TMEM260: variants seen among roughly 807,000 people sequenced by gnomAD.
The protein encoded by TMEM260 is transmembrane protein 260, also known as protein O-mannosyl-transferase TMEM260.
Under a neutral mutation model 88.9 loss-of-function variants are expected in TMEM260, and 82 were observed. That is an observed-to-expected ratio of 0.92 (90% CI 0.77 to 1.11). The LOEUF (loss-of-function observed/expected upper bound fraction) is 1.11. Ranked by LOEUF, TMEM260 falls within the 50% of genes least tolerant of loss-of-function variation. The probability of loss-of-function intolerance (pLI) is 0.00; values close to 1 mark genes in which losing one functional copy is unlikely to be tolerated. For missense variants in TMEM260, 902 were observed against 853.4 expected (o/e 1.06, Z -0.71); for synonymous variants, 314 against 309.3 (o/e 1.02, Z -0.16).
rs1453081934 is a variant in TMEM260 at position 56,647,754 on chromosome 14, G to A, written c.*257G>A. ...CTTTTGAAAAGTCTTCTGACTTCCA[G>A]TCTTTCACCAGATGACTGCACTGGA... On this transcript the variant is annotated 3_prime_UTR_variant, in exon 16 of 16. Transcript: ENST00000261556. The A allele has an allele frequency of 2.3e-6, 1 of 439,522 alleles. No individual in the cohort carries two copies. Among genetic ancestry groups the A allele is most frequent in the Non-Finnish European group, 4.0e-6 (1 of 247,822 alleles). 27.2% of individuals were successfully genotyped at this position (439,522 alleles called of 1,614,324 possible). A position where few individuals can be genotyped will look rare whatever the true frequency, so the allele number is the denominator to read the frequency against.
chr14:56,656,897 A>G, the TMEM260 span, among the ~76,000 whole-genome samples: 2 of 152,340 alleles, frequency 1.3e-5, no homozygotes, highest in Admixed American at 6.5e-5. Context: ...GCATGCACAC[A>G]CACAAGTAAA....
At chr14:56,598,989 G>T (rs1283263127) in intron 3 of TMEM260, among the ~76,000 whole-genome samples, 1 of 152,092 alleles carries the variant, frequency 6.6e-6, no homozygotes, top group Non-Finnish European at 1.5e-5. Flanking sequence ...TGCTTAACTG[G>T]CCTGTTCCAT....
rs186021993 is a variant in TMEM260, at chr14:56,636,012, G to A, written c.1779-496G>A. Among the ~76,000 whole-genome samples the A allele has an allele frequency of 3.5e-3, 528 of 152,050 alleles. 2 individuals carry two copies. The highest frequency in any genetic ancestry group is 0.017 in the Middle Eastern group (5 of 294). Reference sequence around the variant, plus strand: ...TCACTGTGATTGAATGTGGGAAAGCGGGGAAGAAATCACATAAAAGAAGAA... The same window carrying A: ...TCACTGTGATTGAATGTGGGAAAGCAGGGAAGAAATCACATAAAAGAAGAA... On this transcript the variant is annotated intron_variant, in intron 14 of 15. Coordinates refer to ENST00000261556, the MANE Select transcript of TMEM260 (RefSeq NM_017799.4).
intron 1 of TMEM260, among the ~76,000 whole-genome samples, chr14:56,584,779 T>A (rs1185435826): frequency 2.0e-5 from 3 of 152,180 alleles, no homozygotes; most frequent in Non-Finnish European, 4.4e-5. Flanking sequence ...GTACCTATAT[T>A]TCCACTGACC....
Position 56,648,271 on chromosome 14 carries a change from G to C in TMEM260, c.*774G>C, listed in dbSNP as rs994940154. 2 of 152,202 alleles carry C rather than the reference G, an allele frequency of 1.3e-5. No homozygotes were observed. The highest frequency in any genetic ancestry group is 4.8e-5 in the African/African-American group (2 of 41,442). 9.4% of individuals were successfully genotyped at this position (152,202 alleles called of 1,614,324 possible). On this transcript the variant is annotated 3_prime_UTR_variant, in exon 16 of 16. Coordinates refer to ENST00000261556, the MANE Select transcript of TMEM260 (RefSeq NM_017799.4). ...AAGGGGAAAAAAAGGCAGGGATTGG[G>C]GGGGATGGGGAAGTGGCCCAATAAA...
At chr14:56,635,369 T>TA (rs1414535787) in intron 14 of TMEM260, among the ~76,000 whole-genome samples, 1 of 152,206 alleles carries the variant, frequency 6.6e-6, no homozygotes, top group Non-Finnish European at 1.5e-5. Flanking sequence ...ATTCAGTACT[T>TA]ACTGGAGGCC....
chr14:56,586,331 A>T (rs1195212013), intron 3 of TMEM260, among the ~76,000 whole-genome samples: 1 of 152,192 alleles, frequency 6.6e-6, no homozygotes. Context: ...CTAAATATGA[A>T]CATGTTGTAT....
intron 2 of TMEM260, 87 bp from the exon 3 acceptor site, chr14:56,585,674 G>C (rs1302585697): frequency 1.5e-6 from 2 of 1,303,658 alleles, no homozygotes; most frequent in African/African-American, 1.5e-5. Context: ...ATAGCTGCTT[G>C]AGAAAAGGGC....
chr14:56,634,183 G>A (rs1378081063), intron 13 of TMEM260, among the ~76,000 whole-genome samples: 3 of 152,168 alleles, frequency 2.0e-5, no homozygotes, highest in East Asian at 1.9e-4. Context: ...CTCCAGCAGT[G>A]ATTTTCCAAG....
intron 15 of TMEM260, among the ~76,000 whole-genome samples, 196 bp downstream of exon 15, chr14:56,636,794 GAAT>G (rs35295850): frequency 0.04 from 6,101 of 152,244 alleles, 197 homozygotes; most frequent in Middle Eastern, 0.096. Flanking sequence ...GTGGTAGGCA[GAAT>G]AATACCTCCC....
At chr14:56,638,628 T>G (rs1889313256) in intron 15 of TMEM260, among the ~76,000 whole-genome samples, 1 of 152,108 alleles carries the variant, frequency 6.6e-6, no homozygotes, top group Admixed American at 6.5e-5. Context: ...GTGACAATGT[T>G]TACAAGACAA....
At chr14:56,582,943 T>C (rs894134338) in intron 1 of TMEM260, among the ~76,000 whole-genome samples, 3 of 150,762 alleles carry the variant, frequency 2.0e-5, no homozygotes, top group African/African-American at 4.8e-5. Flanking sequence ...GATTTATCTT[T>C]ATAGCAGCAG....
intron 3 of TMEM260, among the ~76,000 whole-genome samples, chr14:56,592,259 A>C (rs1025886039): frequency 6.6e-6 from 1 of 152,166 alleles, no homozygotes; most frequent in Non-Finnish European, 1.5e-5. Context: ...AAATATTTTA[A>C]ATTTTTTTAG....
chr14:56,589,385 T>A (rs1265495584), intron 3 of TMEM260, among the ~76,000 whole-genome samples: 1 of 152,154 alleles, frequency 6.6e-6, no homozygotes, highest in Non-Finnish European at 1.5e-5. Flanking sequence ...TGTTGAAGAC[T>A]CATGTGAATT....
intron 4 of TMEM260, among the ~76,000 whole-genome samples, chr14:56,604,321 G>A (rs763665019): frequency 4.6e-5 from 7 of 152,122 alleles, no homozygotes; most frequent in Non-Finnish European, 8.8e-5. Flanking sequence ...AAGGTGCCAA[G>A]CTCTACACTG....
intron 10 of TMEM260, among the ~76,000 whole-genome samples, chr14:56,620,098 G>A (rs1034354445): frequency 1.3e-5 from 2 of 152,162 alleles, no homozygotes; most frequent in African/African-American, 4.8e-5. Flanking sequence ...AGAACTCATG[G>A]ATACAGTGAG....
Position 56,585,792 on chromosome 14 carries a change from C to A in TMEM260, c.224C>A (p.Thr75Lys), listed in dbSNP as rs528109756. 4 of 1,613,352 alleles carry A rather than the reference C, an allele frequency of 2.5e-6. No individual in the cohort carries two copies. Among genetic ancestry groups the A allele is most frequent in the East Asian group, 2.2e-5 (1 of 44,866 alleles). Residue 75 changes from threonine to lysine, a missense_variant, in exon 3 of 16, where the codon ACG becomes AAG. Thr to Lys is a moderately conservative substitution (Grantham distance 78). Transcript: ENST00000261556. ...VAHPPGYPLF[T>K]LVAKLAITLF... ...CATCCTCCTGGCTATCCTTTGTTCA[C>A]GCTGGTGGCTAAACTGGCAATTACA...
intron 15 of TMEM260, among the ~76,000 whole-genome samples, chr14:56,639,167 G>A (rs1298054039): frequency 6.6e-6 from 1 of 152,108 alleles, no homozygotes; most frequent in Admixed American, 6.5e-5. Context: ...GTGGTGGGTT[G>A]GGGATGGTTA....
At chr14:56,631,692 C>G (rs550969267) in intron 12 of TMEM260, among the ~76,000 whole-genome samples, 1 of 151,956 alleles carries the variant, frequency 6.6e-6, no homozygotes, top group African/African-American at 2.4e-5. Flanking sequence ...TGTGTTATTC[C>G]CTCACTGGTG....
Sources: gnomAD v4.1 joint callset for allele counts (sites outside exome capture counted in the v4.1 genomes callset) on GRCh38, gnomAD v4.1.1 for gene constraint, MANE v1.5 for transcripts, NCBI Gene and HGNC (gene_info 2026-07-23, HGNC 2026-07-21) for gene names.